SRBD1: variants seen among roughly 807,000 people sequenced by gnomAD.
The protein encoded by SRBD1 is S1 RNA binding domain 1.
SRBD1 carries 88 observed loss-of-function variants against 115.3 expected under a neutral mutation model. The ratio of observed to expected loss-of-function variants is 0.76; its 90% CI spans 0.64 to 0.91. SRBD1 has a LOEUF of 0.91. Ranked by LOEUF, SRBD1 falls within the 40% of genes least tolerant of loss-of-function variation. The probability of loss-of-function intolerance (pLI) is 0.00; values close to 1 mark genes in which losing one functional copy is unlikely to be tolerated. For missense variants in SRBD1, 1,385 were observed against 1,177.4 expected, an observed-to-expected ratio of 1.18 and a Z score of -2.58; for synonymous variants, 509 against 407.7, an observed-to-expected ratio of 1.25 and a Z score of -2.99.
intron 16 of SRBD1, among the ~76,000 whole-genome samples, chr2:45,429,327 G>A (rs995382606): frequency 1.3e-5 from 2 of 151,734 alleles, no homozygotes; most frequent in Non-Finnish European, 2.9e-5. Context: ...ACCAAAACCT[G>A]GCAGAAACAA....
chr2:45,494,076 G>GA (rs35681181), intron 14 of SRBD1, among the ~76,000 whole-genome samples: 21,828 of 151,812 alleles, frequency 0.14, 1,628 homozygotes, highest in Middle Eastern at 0.2. Context: ...AAACAAAGTG[G>GA]AAAAAAATGC....
At chr2:45,406,702 T>C (rs144042387) in intron 19 of SRBD1, among the ~76,000 whole-genome samples, 4 of 152,170 alleles carry the variant, frequency 2.6e-5, no homozygotes, top group East Asian at 1.9e-4. Flanking sequence ...CAGAACAGCA[T>C]AAAATTCTAC....
intron 4 of SRBD1, among the ~76,000 whole-genome samples, chr2:45,591,620 A>C (rs1673727325): frequency 6.6e-6 from 1 of 152,168 alleles, no homozygotes; most frequent in South Asian, 2.1e-4. Context: ...GGTGAATTCT[A>C]TAGAGTTTGA....
chr2:45,534,409 T>C (rs1280010110), intron 14 of SRBD1, among the ~76,000 whole-genome samples: 1 of 151,792 alleles, frequency 6.6e-6, no homozygotes, highest in African/African-American at 2.4e-5. Context: ...GAAATGGAGA[T>C]GAATATCAAT....
intron 4 of SRBD1, among the ~76,000 whole-genome samples, chr2:45,592,377 G>A (rs767413233): frequency 2.2e-4 from 33 of 152,140 alleles, no homozygotes; most frequent in Non-Finnish European, 1.0e-4. Flanking sequence ...CACTGCACAT[G>A]CGGGCAGCCC....
chr2:45,460,528 A>T lies in SRBD1; in HGVS notation c.2049+16465T>A, dbSNP rs374650913. 8.1e-4 allele frequency among the ~76,000 whole-genome samples: 124 copies of T among 152,248 alleles called. 1 individual carries two copies. The highest frequency in any genetic ancestry group is 2.9e-3 in the African/African-American group (120 of 41,544). On this transcript the variant is annotated intron_variant, in intron 16 of 20. Coordinates refer to ENST00000263736, the MANE Select transcript of SRBD1 (RefSeq NM_018079.5). ...GGAAGGCAGGGAAGAGCAAGGATAC[A>T]CTTGAAATTATGGCTTCTCTATTAT...
chr2:45,392,150 A>T (rs1174572880), intron 20 of SRBD1, among the ~76,000 whole-genome samples: 1 of 152,220 alleles, frequency 6.6e-6, no homozygotes. Flanking sequence ...ACCCTACAGA[A>T]GAAGGAATAG....
chr2:45,492,957 A>T (rs1475148609), intron 14 of SRBD1, among the ~76,000 whole-genome samples: 1 of 152,248 alleles, frequency 6.6e-6, no homozygotes, highest in Non-Finnish European at 1.5e-5. Context: ...ATTTAGTAAG[A>T]TACCAAAAAT....
chr2:45,420,395 A>G (rs1407403598), intron 16 of SRBD1, among the ~76,000 whole-genome samples: 1 of 152,242 alleles, frequency 6.6e-6, no homozygotes, highest in East Asian at 1.9e-4. Flanking sequence ...ACAGTAAGAC[A>G]GTAAATCAAA....
chr2:45,431,938 T>C (rs1047564387), intron 16 of SRBD1, among the ~76,000 whole-genome samples: 1 of 152,200 alleles, frequency 6.6e-6, no homozygotes, highest in African/African-American at 2.4e-5. Flanking sequence ...AGGTCAGCTG[T>C]AAATATAAAC....
intron 14 of SRBD1, among the ~76,000 whole-genome samples, chr2:45,507,431 T>C (rs1260366843): frequency 2.0e-5 from 3 of 152,026 alleles, no homozygotes. Context: ...AAATAATCCA[T>C]ATTAGGCTGG....
intron 7 of SRBD1, among the ~76,000 whole-genome samples, chr2:45,579,460 A>C (rs1049883628): frequency 2.4e-4 from 36 of 152,310 alleles, no homozygotes; most frequent in Admixed American, 1.3e-3. Flanking sequence ...TGGGATATGA[A>C]GGAATTTCTT....
At chr2:45,541,699 G>A (rs1332699228) in intron 14 of SRBD1, among the ~76,000 whole-genome samples, 1 of 152,200 alleles carries the variant, frequency 6.6e-6, no homozygotes, top group African/African-American at 2.4e-5. Flanking sequence ...CCAGTGGAGA[G>A]GAGATGGGCA....
chr2:45,558,010 A>T (rs1282258472), intron 10 of SRBD1, among the ~76,000 whole-genome samples: 1 of 152,246 alleles, frequency 6.6e-6, no homozygotes, highest in Non-Finnish European at 1.5e-5. Context: ...CTTCATATAT[A>T]TAAGATAAAG....
At chr2:45,527,436 A>C (rs909995617) in intron 14 of SRBD1, among the ~76,000 whole-genome samples, 1 of 151,930 alleles carries the variant, frequency 6.6e-6, no homozygotes, top group Admixed American at 6.6e-5. Context: ...GAGATAAATT[A>C]GAGAATCTCA....
chr2:45,426,711 G>C (rs1462934312), intron 16 of SRBD1, among the ~76,000 whole-genome samples: 2 of 152,130 alleles, frequency 1.3e-5, no homozygotes, highest in Non-Finnish European at 2.9e-5. Context: ...AGGCAAACAG[G>C]GTCTGGAGTG....
At chr2:45,553,913 T>G (rs994808055) in intron 10 of SRBD1, among the ~76,000 whole-genome samples, 183 bp from the exon 11 acceptor site, 4 of 152,238 alleles carry the variant, frequency 2.6e-5, no homozygotes, top group African/African-American at 9.6e-5. Context: ...CTGGAGTTTT[T>G]ATTTTAAAAA....
intron 11 of SRBD1, among the ~76,000 whole-genome samples, chr2:45,551,603 G>A (rs1361123026): frequency 1.3e-5 from 2 of 152,154 alleles, no homozygotes; most frequent in African/African-American, 4.8e-5. Flanking sequence ...ACATTTGAAT[G>A]TCACATGGGA....
At chr2:45,569,238 G>A (rs181877248) in intron 9 of SRBD1, 1 of 152,262 alleles carries the variant, frequency 6.6e-6, no homozygotes, top group East Asian at 1.9e-4. Context: ...GGAATGCAGT[G>A]GCTATTCACA....
Sources: gnomAD v4.1 joint callset for allele counts (sites outside exome capture counted in the v4.1 genomes callset) on GRCh38, gnomAD v4.1.1 for gene constraint, MANE v1.5 for transcripts, NCBI Gene and HGNC (gene_info 2026-07-23, HGNC 2026-07-21) for gene names.